GOLM1: variants seen among roughly 807,000 people sequenced by gnomAD.
GOLM1 encodes golgi membrane protein 1.
A neutral mutation model predicts 50.5 loss-of-function variants in GOLM1; 31 were observed. That is an observed-to-expected ratio of 0.61 (90% CI 0.46 to 0.83). The LOEUF is 0.83. Among genes scored for constraint, GOLM1 ranks in the 40% least tolerant of loss-of-function variants. The pLI, the probability that GOLM1 is intolerant of heterozygous loss-of-function variation, is 0.00. For missense variants in GOLM1, 491 were observed against 501.3 expected (o/e 0.98, Z 0.20); for synonymous variants, 178 against 192.8 (o/e 0.92, Z 0.64).
At chr9:86,053,583 ACAC>A (rs1278024354) in intron 3 of GOLM1, among the ~76,000 whole-genome samples, 59 of 3,440 alleles carry the variant, frequency 0.017, no homozygotes, top group Middle Eastern at 0.071. Context: ...CACACACCAC[ACAC>A]CACACCACTC....
At chr9:86,057,611 G>C (rs1202744261) in intron 3 of GOLM1, among the ~76,000 whole-genome samples, 1 of 150,724 alleles carries the variant, frequency 6.6e-6, no homozygotes, top group South Asian at 2.1e-4. Context: ...GCCTAGCGTG[G>C]GGCCTGGGCC....
At position 86,027,834 on chromosome 9, in the gene GOLM1, G is replaced by A. The variant is rs868090075; in HGVS notation, c.1189C>T (p.Arg397Trp). 5 of 1,612,768 alleles carry A rather than the reference G, an allele frequency of 3.1e-6. No homozygotes were observed. The highest frequency in any genetic ancestry group is 3.3e-4 in the Middle Eastern group (2 of 6,058). The change falls in exon 10 of 10, where the codon CGG (arginine) becomes TGG (tryptophan). Residue 397 changes from arginine (R) to tryptophan (W), a missense_variant. Physicochemically the swap from Arg to Trp is moderately radical, Grantham distance 101 (BLOSUM62 -3). Transcript: ENST00000388712. ...TINLLDQREKRNHTL is the reference protein window; with the variant it reads ...TINLLDQREKWNHTL ...AGTTCAATTCAGAGTGTATGATTCCGCTTTTCACGCTGATCAAGTAAATTT... is the reference window on the plus strand; with the variant it reads ...AGTTCAATTCAGAGTGTATGATTCCACTTTTCACGCTGATCAAGTAAATTT...
At chr9:86,089,038 T>C (rs1191365187) in intron 1 of GOLM1, among the ~76,000 whole-genome samples, 1 of 152,206 alleles carries the variant, frequency 6.6e-6, no homozygotes, top group Non-Finnish European at 1.5e-5. Flanking sequence ...TTTGGCTAGA[T>C]ATGAAATTCC....
chr9:86,053,305 C>G (rs377050287), intron 3 of GOLM1, among the ~76,000 whole-genome samples: 1 of 142,416 alleles, frequency 7.0e-6, no homozygotes, highest in East Asian at 2.1e-4. Context: ...ACACACCACA[C>G]CAAACCACAG....
intron 3 of GOLM1, among the ~76,000 whole-genome samples, chr9:86,073,659 C>T (rs914945830): frequency 6.6e-6 from 1 of 152,170 alleles, no homozygotes. Context: ...CTCTGCCCTC[C>T]GCTCCACTGA....
intron 1 of GOLM1, among the ~76,000 whole-genome samples, chr9:86,098,073 TA>T (rs969948288): frequency 8.6e-5 from 13 of 151,350 alleles, no homozygotes; most frequent in South Asian, 2.1e-4. Flanking sequence ...AAACCAACTT[TA>T]AAAAAAAATG....
At chr9:86,034,855 AC>A (rs1833084807) in intron 8 of GOLM1, among the ~76,000 whole-genome samples, 2 of 151,354 alleles carry the variant, frequency 1.3e-5, no homozygotes, top group South Asian at 4.1e-4. Context: ...TCCAATTCCT[AC>A]CCTTTATTTC....
chr9:86,092,682 C>T (rs545973855), intron 1 of GOLM1, among the ~76,000 whole-genome samples: 1 of 152,312 alleles, frequency 6.6e-6, no homozygotes, highest in African/African-American at 2.4e-5. Flanking sequence ...AATGAGGCTT[C>T]AGGCCTGCAA....
At chr9:86,052,711 C>T in intron 3 of GOLM1, 120 bp from the exon 4 acceptor site, 2 of 813,268 alleles carry the variant, frequency 2.5e-6, no homozygotes, top group South Asian at 2.9e-5. Context: ...AGGGAAGGAG[C>T]TCGCACTCAG....
rs560233243 is a variant in GOLM1, at chr9:86,093,483, T to C, written c.-22+5928A>G. 2.0e-5 allele frequency among the ~76,000 whole-genome samples: 3 copies of C among 151,936 alleles called. No homozygotes were observed. In the East Asian group the frequency reaches 5.8e-4, roughly 30 times the overall value. On this transcript the variant is annotated intron_variant, in intron 1 of 9. Coordinates refer to ENST00000388712, the MANE Select transcript of GOLM1 (RefSeq NM_016548.4). Reference sequence around the variant, plus strand: ...TACTTGGGAGGCTAAGGCATGAGAATTGCTTGAACCCAGGAGATGGAGGTT... The same window carrying C: ...TACTTGGGAGGCTAAGGCATGAGAACTGCTTGAACCCAGGAGATGGAGGTT...
chr9:86,094,594 C>T (rs1835296123), intron 1 of GOLM1, among the ~76,000 whole-genome samples: 1 of 152,140 alleles, frequency 6.6e-6, no homozygotes, highest in African/African-American at 2.4e-5. Context: ...CCAAATTCTT[C>T]CTGTTTTGAA....
intron 3 of GOLM1, among the ~76,000 whole-genome samples, chr9:86,055,559 T>C (rs1433795188): frequency 2.0e-5 from 3 of 152,138 alleles, no homozygotes; most frequent in Non-Finnish European, 4.4e-5. Context: ...GATGAATGAA[T>C]GGATAAGCAA....
intron 1 of GOLM1, among the ~76,000 whole-genome samples, chr9:86,089,647 A>G (rs1440653851): frequency 6.6e-6 from 1 of 152,130 alleles, no homozygotes; most frequent in Non-Finnish European, 1.5e-5. Context: ...TATTCTAGTT[A>G]GCAATTCCTC....
rs763476269 is a variant in GOLM1, at chr9:86,035,443, C to T, written c.940G>A (p.Glu314Lys). ...AALSVSQENP[E>K]MEGPERDQLV... ...TGGTCTCGCTCAGGGCCCTCCATCT[C>T]TGGATTTTCCTGGCTCACTGACAGG... The change falls in exon 8 of 10, where the codon GAG becomes AAG. Residue 314 changes from glutamate (E) to lysine (K), a missense_variant. Transcript: ENST00000388712. The T allele has an allele frequency of 1.2e-5, 19 of 1,613,918 alleles. No individual in the cohort carries two copies. The highest frequency in any genetic ancestry group is 9.3e-6 in the Non-Finnish European group (11 of 1,180,006).
chr9:86,033,840 A>AAT (rs1833054681), intron 8 of GOLM1, among the ~76,000 whole-genome samples: 1 of 152,180 alleles, frequency 6.6e-6, no homozygotes, highest in African/African-American at 2.4e-5. Flanking sequence ...GAGAGCACCC[A>AAT]TTACTCTATT....
chr9:86,029,174 A>G (rs1382005449), intron 9 of GOLM1, among the ~76,000 whole-genome samples: 1 of 152,094 alleles, frequency 6.6e-6, no homozygotes, highest in African/African-American at 2.4e-5. Context: ...CTCCCCTTTC[A>G]AAGTGTCCAA....
chr9:86,080,882 T>C (rs1341930613), intron 1 of GOLM1, among the ~76,000 whole-genome samples: 2 of 152,110 alleles, frequency 1.3e-5, no homozygotes, highest in African/African-American at 2.4e-5. Context: ...TCTTAAACTT[T>C]TTAAAATTTT....
chr9:86,055,783 T>C (rs868424989), intron 3 of GOLM1, among the ~76,000 whole-genome samples: 3 of 152,050 alleles, frequency 2.0e-5, no homozygotes, highest in Admixed American at 6.6e-5. Context: ...TGTCCAGGGA[T>C]AGGAGAGGGG....
chr9:86,086,364 C>T (rs1834961704), intron 1 of GOLM1, among the ~76,000 whole-genome samples: 1 of 151,752 alleles, frequency 6.6e-6, no homozygotes, highest in South Asian at 2.1e-4. Context: ...GGATATTAGC[C>T]CTTTGTCAGA....
Sources: gnomAD v4.1 joint callset for allele counts (sites outside exome capture counted in the v4.1 genomes callset) on GRCh38, gnomAD v4.1.1 for gene constraint, MANE v1.5 for transcripts, NCBI Gene and HGNC (gene_info 2026-07-23, HGNC 2026-07-21) for gene names.